C8orf34: variants seen among roughly 807,000 people sequenced by gnomAD.
C8orf34 encodes the protein uncharacterized protein C8orf34.
A neutral mutation model predicts 68.3 loss-of-function variants in C8orf34; 65 were observed. The observed-to-expected ratio is 0.95, with a 90% confidence interval of 0.78 to 1.17. The LOEUF is 1.17. Ranked by LOEUF, C8orf34 falls within the 50% of genes most tolerant of loss-of-function variation. The pLI is 0.00. For missense variants in C8orf34, 664 were observed against 655.4 expected (o/e 1.01, Z -0.14); for synonymous variants, 244 against 241.2 (o/e 1.01, Z -0.11).
chr8:68,552,543 A>C (rs1451931701), intron 7 of C8orf34, among the ~76,000 whole-genome samples: 1 of 152,010 alleles, frequency 6.6e-6, no homozygotes, highest in Non-Finnish European at 1.5e-5. Context: ...TTTATTTTGC[A>C]GTCTTACTTA....
chr8:68,463,477 A>C (rs1811949961), intron 3 of C8orf34, among the ~76,000 whole-genome samples: 1 of 152,232 alleles, frequency 6.6e-6, no homozygotes, highest in South Asian at 2.1e-4. Flanking sequence ...AGCCGGGCAG[A>C]GACAAAACCA....
At chr8:68,367,797 C>T (rs1169183594) in intron 1 of C8orf34, among the ~76,000 whole-genome samples, 5 of 136,192 alleles carry the variant, frequency 3.7e-5, no homozygotes, top group Admixed American at 7.6e-5. Context: ...ATACCTAATG[C>T]TAGATGACGA....
intron 1 of C8orf34, among the ~76,000 whole-genome samples, chr8:68,418,179 T>G (rs1563421083): frequency 6.9e-6 from 1 of 145,246 alleles, no homozygotes; most frequent in Non-Finnish European, 1.5e-5. Context: ...GCTTATCAGC[T>G]TAAGGAGATT....
chr8:68,616,082 G>A (rs1323845466), intron 7 of C8orf34, among the ~76,000 whole-genome samples: 2 of 151,348 alleles, frequency 1.3e-5, no homozygotes, highest in East Asian at 1.9e-4. Flanking sequence ...TTGTGTAGAG[G>A]TGTTTGTAGT....
At chr8:68,725,848 T>C (rs1188019106) in intron 10 of C8orf34, among the ~76,000 whole-genome samples, 6 of 152,352 alleles carry the variant, frequency 3.9e-5, no homozygotes, top group Admixed American at 2.0e-4. Flanking sequence ...ACACCTGTAA[T>C]GAAAAGGAGA....
At chr8:68,608,245 G>A (rs1472763393) in intron 7 of C8orf34, among the ~76,000 whole-genome samples, 1 of 152,002 alleles carries the variant, frequency 6.6e-6, no homozygotes, top group African/African-American at 2.4e-5. Flanking sequence ...GAAACATTGA[G>A]AAAATTAGCC....
rs1424118010 is a variant in C8orf34, at chr8:68,454,593, G to A, written c.607+8133G>A. On this transcript the variant is annotated intron_variant, in intron 3 of 13. Transcript: ENST00000518698. ...ATACTTTTTAATTTTCTTAAAGTTT[G>A]TAGTAATGTCTCACTTTTGTTTCTA... Among the ~76,000 whole-genome samples the A allele has an allele frequency of 3.3e-5, 5 of 151,870 alleles. No individual in the cohort carries two copies. The East Asian group carries it at 5.8e-4, about 18-fold the overall frequency.
rs769559329 is a variant in C8orf34 at position 68,446,365 on chromosome 8, A to G, written c.512A>G (p.Asp171Gly). 46 of 1,610,900 alleles carry G rather than the reference A, an allele frequency of 2.9e-5. No homozygotes were observed. Among genetic ancestry groups the G allele is most frequent in the Non-Finnish European group, 1.9e-5 (22 of 1,179,132 alleles). ...ACAAGAAGGGATTTCAGAAGCTATG[A>G]TAAACCTTGGCAATTAAATGCAAAG... ...KGTRRDFRSY[D>G]KPWQLNAKKP... is the part of the protein sequence containing the mutation. Residue 171 changes from aspartate (D) to glycine (G), a missense_variant, in exon 3 of 14, where the codon GAT becomes GGT. By Grantham distance (94) the Asp-to-Gly change is moderately conservative. Coordinates refer to ENST00000518698, the MANE Select transcript of C8orf34 (RefSeq NM_052958.4).
chr8:68,813,556 GC>G (rs1398355834), intron 12 of C8orf34, among the ~76,000 whole-genome samples: 3 of 152,042 alleles, frequency 2.0e-5, no homozygotes, highest in Admixed American at 2.0e-4. Context: ...TACTTTACAT[GC>G]TTTTTTTTTG....
Position 68,785,874 on chromosome 8 carries a change from T to G in C8orf34, c.1456-1569T>G, listed in dbSNP as rs16935060. 4.4e-3 allele frequency among the ~76,000 whole-genome samples: 672 copies of G among 152,306 alleles called. 5 individuals carry two copies. Among genetic ancestry groups the G allele is most frequent in the African/African-American group, 0.015 (632 of 41,574 alleles). Reference sequence around the variant, plus strand: ...CCAAACTTCTGGAAAATTGTGCTGTTTTGAAACTCTAGATTGGGGCTGAAC... The same window carrying G: ...CCAAACTTCTGGAAAATTGTGCTGTGTTGAAACTCTAGATTGGGGCTGAAC... On this transcript the variant is annotated intron_variant, in intron 11 of 13. Coordinates refer to ENST00000518698, the MANE Select transcript of C8orf34 (RefSeq NM_052958.4).
At position 68,774,944 on chromosome 8, in the gene C8orf34, T is replaced by TAAAAAAAAAAAAAAAAAAAAAAAAAA. The variant is rs1224756627; in HGVS notation, c.1405-1432_1405-1431insAAAAAAAAAAAAAAAAAAAAAAAAAA. The stretch of plus-strand genomic sequence containing the variant: ...CAACATGATGAAACCCTGTCTCCAC[T>TAAAAAAAAAAAAAAAAAAAAAAAAAA]AAAAAAAAAAAAAAAAAAAAAAATT... On this transcript the variant is annotated intron_variant, in intron 10 of 13. Transcript: ENST00000518698. 1.1e-3 allele frequency among the ~76,000 whole-genome samples: 51 copies of TAAAAAAAAAAAAAAAAAAAAAAAAAA among 44,662 alleles called. 3 individuals are homozygous for TAAAAAAAAAAAAAAAAAAAAAAAAAA. Among genetic ancestry groups the TAAAAAAAAAAAAAAAAAAAAAAAAAA allele is most frequent in the African/African-American group, 1.6e-3 (13 of 8,012 alleles). The allele number at this position is 44,662 out of a possible 152,430, so 29.3% of individuals were successfully genotyped here.
intron 1 of C8orf34, among the ~76,000 whole-genome samples, chr8:68,437,575 T>C (rs1292562762): frequency 6.6e-6 from 1 of 152,208 alleles, no homozygotes; most frequent in Non-Finnish European, 1.5e-5. Flanking sequence ...GATGTATACT[T>C]ATGATTTAAC....
intron 5 of C8orf34, 110 bp from the exon 6 acceptor site, chr8:68,521,689 A>C: frequency 2.1e-6 from 2 of 934,100 alleles, no homozygotes; most frequent in South Asian, 3.8e-5. Flanking sequence ...GTATCAATTC[A>C]GAAAGACAAA....
intron 7 of C8orf34, among the ~76,000 whole-genome samples, chr8:68,545,133 A>G (rs2129980803): frequency 6.6e-6 from 1 of 152,168 alleles, no homozygotes; most frequent in South Asian, 2.1e-4. Context: ...CATAATTCCC[A>G]TCTGTTGTGG....
intron 1 of C8orf34, among the ~76,000 whole-genome samples, chr8:68,390,929 T>A (rs1808456043): frequency 6.6e-6 from 1 of 152,234 alleles, no homozygotes; most frequent in South Asian, 2.1e-4. Flanking sequence ...GAAAGCTCAG[T>A]TTTTGCTTTT....
At chr8:68,338,533 T>G (rs1270160111) in intron 1 of C8orf34, among the ~76,000 whole-genome samples, 1 of 152,198 alleles carries the variant, frequency 6.6e-6, no homozygotes, top group Non-Finnish European at 1.5e-5. Flanking sequence ...GTTTCATTTT[T>G]TAGAGTTTCA....
At chr8:68,332,351 T>TTGCCCCCGCCTTGCCCCCGCCTTGCC (rs1805653757) in intron 1 of C8orf34, among the ~76,000 whole-genome samples, 2 of 105,906 alleles carry the variant, frequency 1.9e-5, no homozygotes, top group African/African-American at 7.6e-5. Context: ...GTCGAGGTGC[T>TTGCCCCCGCCTTGCCCCCGCCTTGCC]CCCGCCTTGC....
chr8:68,673,859 C>G (rs539376169), intron 8 of C8orf34, among the ~76,000 whole-genome samples: 11 of 152,248 alleles, frequency 7.2e-5, no homozygotes, highest in African/African-American at 2.6e-4. Context: ...TCGTCTGACT[C>G]GGCACAGTCC....
intron 10 of C8orf34, among the ~76,000 whole-genome samples, chr8:68,768,515 CT>C (rs1823246086): frequency 6.6e-6 from 1 of 152,110 alleles, no homozygotes; most frequent in South Asian, 2.1e-4. Flanking sequence ...TTTCTTGTAT[CT>C]TTATCTCCTC....
Sources: gnomAD v4.1 joint callset for allele counts (sites outside exome capture counted in the v4.1 genomes callset) on GRCh38, gnomAD v4.1.1 for gene constraint, MANE v1.5 for transcripts, NCBI Gene and HGNC (gene_info 2026-07-23, HGNC 2026-07-21) for gene names.